GUCY1A1: variants seen among roughly 807,000 people sequenced by gnomAD.
The protein encoded by GUCY1A1 is guanylate cyclase 1 soluble subunit alpha 1.
Under a neutral mutation model 64.5 loss-of-function variants are expected in GUCY1A1, and 48 were observed. The ratio of observed to expected loss-of-function variants is 0.74; its 90% CI spans 0.59 to 0.95. GUCY1A1 has a LOEUF of 0.95. Among genes scored for constraint, GUCY1A1 ranks in the 40% least tolerant of loss-of-function variants. The pLI is 0.00. For missense variants in GUCY1A1, 804 were observed against 825.3 expected (o/e 0.97, Z 0.32); for synonymous variants, 308 against 303.4 (o/e 1.02, Z -0.16).
At chr4:155,717,745 C>T (rs1431826112) in intron 8 of GUCY1A1, among the ~76,000 whole-genome samples, 1 of 152,260 alleles carries the variant, frequency 6.6e-6, no homozygotes, top group East Asian at 1.9e-4. Flanking sequence ...AGATGGCAAT[C>T]CTGCATCATG....
chr4:155,687,749 G>A (rs913044146), intron 2 of GUCY1A1, among the ~76,000 whole-genome samples: 1 of 152,148 alleles, frequency 6.6e-6, no homozygotes, highest in Non-Finnish European at 1.5e-5. Context: ...GGTAGACGCA[G>A]GGAGCAAACA....
At chr4:155,685,034 T>C (rs927567701) in intron 2 of GUCY1A1, among the ~76,000 whole-genome samples, 8 of 152,138 alleles carry the variant, frequency 5.3e-5, no homozygotes, top group Non-Finnish European at 1.0e-4. Flanking sequence ...AAGCTCCTGG[T>C]TTCTCAAGGC....
intron 7 of GUCY1A1, among the ~76,000 whole-genome samples, chr4:155,714,725 C>A (rs978107115): frequency 6.6e-6 from 1 of 152,048 alleles, no homozygotes; most frequent in Admixed American, 6.6e-5. Flanking sequence ...TTGTTTTATT[C>A]TAGATGCCAG....
At chr4:155,727,446 A>G (rs998638746) in intron 9 of GUCY1A1, among the ~76,000 whole-genome samples, 1 of 151,902 alleles carries the variant, frequency 6.6e-6, no homozygotes, top group Non-Finnish European at 1.5e-5. Flanking sequence ...TGCCCTTAAT[A>G]AATTCAAATG....
chr4:155,717,055 T>G, intron 7 of GUCY1A1, 104 bp from the exon 8 acceptor site: 1 of 818,112 alleles, frequency 1.2e-6, no homozygotes, highest in Non-Finnish European at 1.8e-6. Flanking sequence ...CCAGAAGGCC[T>G]GAGCAATGAG....
intron 9 of GUCY1A1, among the ~76,000 whole-genome samples, chr4:155,727,238 G>A (rs191670798): frequency 1.3e-5 from 2 of 151,900 alleles, no homozygotes; most frequent in African/African-American, 4.8e-5. Context: ...AGCTTTCATC[G>A]AAATGGTTTG....
At chr4:155,670,573 G>A (rs1413734892) in intron 2 of GUCY1A1, among the ~76,000 whole-genome samples, 2 of 152,140 alleles carry the variant, frequency 1.3e-5, no homozygotes, top group Non-Finnish European at 2.9e-5. Flanking sequence ...GATGAACAGA[G>A]TTATTTTGGA....
intron 4 of GUCY1A1, among the ~76,000 whole-genome samples, chr4:155,706,120 G>A (rs908662549): frequency 6.6e-6 from 1 of 152,108 alleles, no homozygotes; most frequent in South Asian, 2.1e-4. Context: ...CAAAACTTAA[G>A]CCAACAATAA....
chr4:155,700,308 G>A (rs769897888), intron 3 of GUCY1A1, among the ~76,000 whole-genome samples: 1 of 151,980 alleles, frequency 6.6e-6, no homozygotes, highest in Non-Finnish European at 1.5e-5. Context: ...AGAATCACGA[G>A]GTCTGTAGAT....
At chr4:155,706,345 CT>C (rs1321756817) in intron 4 of GUCY1A1, among the ~76,000 whole-genome samples, 2 of 152,138 alleles carry the variant, frequency 1.3e-5, no homozygotes, top group Non-Finnish European at 2.9e-5. Flanking sequence ...AGATTTTTTA[CT>C]TCACTTTCTT....
chr4:155,678,240 T>C (rs1560912800), intron 2 of GUCY1A1, among the ~76,000 whole-genome samples: 1 of 152,154 alleles, frequency 6.6e-6, no homozygotes, highest in African/African-American at 2.4e-5. Flanking sequence ...TGTGAGAGAA[T>C]GAGAATGAAA....
At chr4:155,682,919 T>C (rs779195273) in intron 2 of GUCY1A1, among the ~76,000 whole-genome samples, 1 of 152,198 alleles carries the variant, frequency 6.6e-6, no homozygotes, top group African/African-American at 2.4e-5. Context: ...TTTATGTTTT[T>C]TCTGGTTCAT....
At chr4:155,728,897 A>T (rs1348899941) in intron 9 of GUCY1A1, among the ~76,000 whole-genome samples, 1 of 151,874 alleles carries the variant, frequency 6.6e-6, no homozygotes, top group Non-Finnish European at 1.5e-5. Flanking sequence ...CTAATTCTAT[A>T]CCTTTTCATT....
At chr4:155,705,286 G>A (rs1173927059) in intron 4 of GUCY1A1, among the ~76,000 whole-genome samples, 2 of 152,138 alleles carry the variant, frequency 1.3e-5, no homozygotes, top group African/African-American at 4.8e-5. Context: ...GGCCAGGCAC[G>A]GTGGCAAATC....
rs1730497813 is a variant in GUCY1A1 at position 155,696,974 on chromosome 4, G to C, written c.107G>C (p.Ser36Thr). The change falls in exon 3 of 10, where the codon AGC (serine) becomes ACC (threonine). Residue 36 changes from serine to threonine, a missense_variant. By Grantham distance (58) the Ser-to-Thr change is moderately conservative. Coordinates refer to ENST00000506455, the MANE Select transcript of GUCY1A1 (RefSeq NM_001130682.3). ...PNESSEEAAG[S>T]SESCKATVPI... ...GAGTCTTCAGAGGAGGCAGCAGGAA[G>C]CTCAGAGAGCTGCAAAGCAACCGTG... is the stretch of plus-strand genomic sequence containing the variant. 6.2e-7 allele frequency: 1 copy of C among 1,613,680 alleles called. No individual in the cohort carries two copies. The highest frequency in any genetic ancestry group is 8.5e-7 in the Non-Finnish European group (1 of 1,179,622).
At chr4:155,727,601 T>C (rs945880894) in intron 9 of GUCY1A1, among the ~76,000 whole-genome samples, 4 of 151,802 alleles carry the variant, frequency 2.6e-5, no homozygotes, top group Admixed American at 6.6e-5. Context: ...TTTAATCACC[T>C]ATAGTTTTAT....
At position 155,735,717 on chromosome 4, in the gene GUCY1A1, G is replaced by C. The variant is rs1022444248; in HGVS notation, c.*5486G>C. On this transcript the variant is annotated 3_prime_UTR_variant, in exon 10 of 10. Transcript: ENST00000506455. ...ATCTGTATTGAGGAAAGAGCTATGA[G>C]GTAGTTTCAGAGAAAGTGAAAACAA... The C allele has an allele frequency of 3.3e-5, 5 of 151,892 alleles. No homozygotes were observed. Among genetic ancestry groups the C allele is most frequent in the African/African-American group, 9.7e-5 (4 of 41,386 alleles). The allele number at this position is 151,892 out of a possible 1,614,324, so 9.4% of individuals were successfully genotyped here.
chr4:155,721,762 A>G (rs143251237), intron 8 of GUCY1A1, among the ~76,000 whole-genome samples: 2 of 152,118 alleles, frequency 1.3e-5, no homozygotes, highest in Non-Finnish European at 2.9e-5. Flanking sequence ...ATCCCTGTGC[A>G]TGGAAACTTG....
chr4:155,722,040 G>T lies in GUCY1A1; in HGVS notation c.1719G>T (p.Met573Ile). ...VMSPHGEPIKMRIGLHSGSVF... is the reference protein window; with the variant it reads ...VMSPHGEPIKIRIGLHSGSVF... ...ATCATGTTATTTTTTGCTTTCAGATGCGAATTGGACTGCACTCTGGATCAG... is the reference window on the plus strand; with the variant it reads ...ATCATGTTATTTTTTGCTTTCAGATTCGAATTGGACTGCACTCTGGATCAG... Residue 573 changes from methionine (M) to isoleucine (I), a missense_variant and splice_region_variant, in exon 9 of 10, where the codon ATG becomes ATT. Transcript: ENST00000506455. 1 of 1,607,930 alleles carries T rather than the reference G, an allele frequency of 6.2e-7. No homozygotes were observed. Among genetic ancestry groups the T allele is most frequent in the South Asian group, 1.1e-5 (1 of 90,390 alleles).
Sources: gnomAD v4.1 joint callset for allele counts (sites outside exome capture counted in the v4.1 genomes callset) on GRCh38, gnomAD v4.1.1 for gene constraint, MANE v1.5 for transcripts, NCBI Gene and HGNC (gene_info 2026-07-23, HGNC 2026-07-21) for gene names.